CRTC1: variants seen among roughly 807,000 people sequenced by gnomAD.
The protein encoded by CRTC1 is CREB-regulated transcription coactivator 1.
CRTC1 carries 18 observed loss-of-function variants against 66.1 expected under a neutral mutation model. The observed-to-expected ratio is 0.27, with a 90% CI of 0.19 to 0.40. The LOEUF (loss-of-function observed/expected upper bound fraction) is 0.40, where lower values mean the gene tolerates loss of function less well. Among genes scored for constraint, CRTC1 ranks in the 10% least tolerant of loss-of-function variants. CRTC1 has a pLI of 1.00. For synonymous variants in CRTC1, 416 were observed against 398.8 expected (o/e 1.04, Z -0.51); for missense variants, 669 against 887.9 (o/e 0.75, Z 3.13).
chr19:18,760,186 G>C lies in CRTC1; in HGVS notation c.844G>C (p.Ala282Pro). 6.2e-7 allele frequency: 1 copy of C among 1,613,106 alleles called. No homozygotes were observed. The highest frequency in any genetic ancestry group is 8.5e-7 in the Non-Finnish European group (1 of 1,179,576). Residue 282 changes from alanine (A) to proline (P), a missense_variant, in exon 8 of 14, where the codon GCG becomes CCG. Ala to Pro is a conservative substitution (Grantham distance 27, BLOSUM62 -1). Transcript: ENST00000321949. The surrounding 1 kb of genome is among the most constrained non-coding windows in gnomAD (Gnocchi z 6.2). ...LSSSSSTGNL[A>P]ANLTHLGIGG... is the part of the protein sequence containing the mutation. Reference sequence around the variant, plus strand: ...CAGCTCCAGCAGCACCGGCAACCTCGCGGCCAACCTGACGCACCTGGGCAT... The same window carrying C: ...CAGCTCCAGCAGCACCGGCAACCTCCCGGCCAACCTGACGCACCTGGGCAT...
rs749724992 is a variant in CRTC1, at chr19:18,765,509, C to T, written c.992C>T (p.Pro331Leu). The change falls in exon 9 of 14, where the codon CCG becomes CTG. Residue 331 changes from proline to leucine, a missense_variant. Pro to Leu is a moderately conservative substitution (Grantham distance 98). This residue lies in a region of CRTC1 where 241 missense variants were observed against 242.2 expected (regional missense o/e 0.99). Coordinates refer to ENST00000321949, the MANE Select transcript of CRTC1 (RefSeq NM_015321.3). ...RRQQASPTLS[P>L]LSPITQAVAM... ...CAGCAGGCATCGCCCACCCTGTCCC[C>T]GCTGTCACCCATCACTCAGGTGCGA... 3.1e-6 allele frequency: 5 copies of T among 1,606,794 alleles called. No individual in the cohort carries two copies. The highest frequency in any genetic ancestry group is 1.1e-5 in the South Asian group (1 of 90,822).
In CRTC1 at chr19:18,771,349, C is replaced by T. The variant is rs2054863343; in HGVS notation, c.1321-93C>T. The stretch of plus-strand genomic sequence containing the variant: ...AGGTGTGAGGGGCGGGGGGACCTGC[C>T]TGGGGGCTGATCAGGCTGCTCCCGG... On this transcript the variant is annotated intron_variant, in intron 10 of 13. Transcript: ENST00000321949. The surrounding 1 kb of genome is among the most constrained non-coding windows in gnomAD (Gnocchi z 4.6). 1 of 1,110,218 alleles carries T rather than the reference C, an allele frequency of 9.0e-7. No homozygotes were observed. The allele number at this position is 1,110,218 out of a possible 1,614,324, so 68.8% of individuals were successfully genotyped here. A position where few individuals can be genotyped will look rare whatever the true frequency, so the allele number is the denominator to read the frequency against.
At position 18,760,154 on chromosome 19, in the gene CRTC1, C is replaced by G; in HGVS notation, c.812C>G (p.Ala271Gly). The G allele has an allele frequency of 6.2e-7, 1 of 1,613,858 alleles. No homozygotes were observed. The highest frequency in any genetic ancestry group is 1.3e-5 in the African/African-American group (1 of 75,034). Reference sequence around the variant, plus strand: ...GACCCCGAGGAGCCCACCTTCCCTGCACTGAGCAGCTCCAGCAGCACCGGC... The same window carrying G: ...GACCCCGAGGAGCCCACCTTCCCTGGACTGAGCAGCTCCAGCAGCACCGGC... ...PLDPEEPTFPALSSSSSTGNL... is the reference protein window; with the variant it reads ...PLDPEEPTFPGLSSSSSTGNL... The change falls in exon 8 of 14, where the codon GCA (alanine) becomes GGA (glycine). Residue 271 changes from alanine to glycine, a missense_variant. Around this residue, in one of 8 missense-constraint regions of CRTC1, gnomAD observed 214 missense variants for 323.4 expected, o/e 0.66. Coordinates refer to ENST00000321949, the MANE Select transcript of CRTC1 (RefSeq NM_015321.3). This position sits in a 1 kb window ranked among gnomAD's most constrained non-coding sequence, Gnocchi z 6.2.
chr19:18,706,437 C>T (rs1444610729), intron 1 of CRTC1, among the ~76,000 whole-genome samples: 3 of 151,830 alleles, frequency 2.0e-5, no homozygotes, highest in Admixed American at 1.3e-4. Context: ...AACTCTTGAC[C>T]TCAGATGATC....
At position 18,771,606 on chromosome 19, in the gene CRTC1, G is replaced by A. The variant is rs571882799; in HGVS notation, c.1425+60G>A. ...TCCACGCTTGTCTTGTTCATGCCCC[G>A]TGTGTTCCCTGCCCACTGTCTGTCC... On this transcript the variant is annotated intron_variant, in intron 11 of 13. Transcript: ENST00000321949. This position sits in a 1 kb window ranked among gnomAD's most constrained non-coding sequence, Gnocchi z 4.6. 43 of 1,295,306 alleles carry A rather than the reference G, an allele frequency of 3.3e-5. No individual in the cohort carries two copies. The Admixed American group carries it at 3.9e-4, about 12-fold the overall frequency. 80.2% of individuals were successfully genotyped at this position (1,295,306 alleles called of 1,614,324 possible). A position where few individuals can be genotyped will look rare whatever the true frequency, so the allele number is the denominator to read the frequency against.
chr19:18,748,017 C>T (rs554739333), intron 4 of CRTC1, among the ~76,000 whole-genome samples: 2 of 152,132 alleles, frequency 1.3e-5, no homozygotes, highest in South Asian at 2.1e-4. Flanking sequence ...GTCAAGGCTG[C>T]AGTGAGCTGT....
chr19:18,755,082 C>T lies in CRTC1; in HGVS notation c.624+1497C>T, dbSNP rs570139545. 2.0e-3 allele frequency among the ~76,000 whole-genome samples: 309 copies of T among 151,588 alleles called. 1 individual carries two copies. Among genetic ancestry groups the T allele is most frequent in the African/African-American group, 7.0e-3 (291 of 41,308 alleles). ...CACTGCAACCTCTGCCTCCCGGGTTCAAGCGAAGTGATTCTCCTGCCTCAG... is the reference window on the plus strand; with the variant it reads ...CACTGCAACCTCTGCCTCCCGGGTTTAAGCGAAGTGATTCTCCTGCCTCAG... On this transcript the variant is annotated intron_variant, in intron 6 of 13. Transcript: ENST00000321949.
chr19:18,765,961 A>G (rs558332682), intron 9 of CRTC1, among the ~76,000 whole-genome samples: 44 of 134,238 alleles, frequency 3.3e-4, no homozygotes, highest in Admixed American at 2.3e-3. Context: ...ACTCTGTTTC[A>G]AAAAAAAAGA....
At chr19:18,776,231 C>G (rs1041498638) in intron 13 of CRTC1, among the ~76,000 whole-genome samples, 1 of 152,224 alleles carries the variant, frequency 6.6e-6, no homozygotes, top group Non-Finnish European at 1.5e-5. Context: ...CCAGCCTGGG[C>G]AGCCAGCTAA....
At position 18,703,703 on chromosome 19, in the gene CRTC1, T is replaced by G. The variant is rs1254075659; in HGVS notation, c.126+19875T>G. On this transcript the variant is annotated intron_variant, in intron 1 of 13. Transcript: ENST00000321949. ...GTCTTGAACTGCTGACCTCAGATGA[T>G]TCGCTTGCCTTGGCCTCCCAAAGTG... Among the ~76,000 whole-genome samples the G allele has an allele frequency of 2.6e-5, 4 of 152,136 alleles. No homozygotes were observed. The East Asian group carries it at 7.7e-4, about 29-fold the overall frequency.
intron 5 of CRTC1, 127 bp from the exon 6 acceptor site, chr19:18,753,373 G>A (rs188338943): frequency 1.2e-5 from 8 of 654,316 alleles, no homozygotes; most frequent in African/African-American, 5.5e-5. Context: ...AGAAGTTCCC[G>A]TTAGGACAGT....
chr19:18,761,992 G>T (rs911379894), intron 8 of CRTC1, among the ~76,000 whole-genome samples: 4 of 152,166 alleles, frequency 2.6e-5, no homozygotes, highest in South Asian at 4.1e-4. Flanking sequence ...ATTCGGAGGA[G>T]CCCTCTTCAT....
Position 18,771,781 on chromosome 19 carries a change from G to A in CRTC1, c.1425+235G>A, listed in dbSNP as rs192090257. Among the ~76,000 whole-genome samples, 39 of 152,326 alleles carry A rather than the reference G, an allele frequency of 2.6e-4. No individual in the cohort carries two copies. Among genetic ancestry groups the A allele is most frequent in the Admixed American group, 2.2e-3 (34 of 15,304 alleles). On this transcript the variant is annotated intron_variant, in intron 11 of 13. Transcript: ENST00000321949. The surrounding 1 kb of genome is among the most constrained non-coding windows in gnomAD (Gnocchi z 4.6). ...AGAGCCTGCCTCTGCTGAACACTAG[G>A]TGGGGGTGTGCGTTAGTGACATTAG...
intron 4 of CRTC1, 61 bp downstream of exon 4, chr19:18,747,175 T>G: frequency 1.8e-6 from 2 of 1,119,110 alleles, no homozygotes; most frequent in Non-Finnish European, 2.5e-6. Context: ...CAAACTCTCA[T>G]CATGGTTACA....
At chr19:18,719,809 GGGATCT>G (rs2053583921) in intron 1 of CRTC1, among the ~76,000 whole-genome samples, 1 of 152,262 alleles carries the variant, frequency 6.6e-6, no homozygotes, top group African/African-American at 2.4e-5. Context: ...TGCCGTGTCT[GGGATCT>G]GACTTCCCTG....
intron 4 of CRTC1, 85 bp from the exon 5 acceptor site, chr19:18,749,696 A>G: frequency 8.9e-7 from 1 of 1,124,348 alleles, no homozygotes; most frequent in Admixed American, 1.7e-5. Context: ...CACCCTGTCC[A>G]TCCAGCGTGT....
At chr19:18,734,932 A>T (rs573857675) in intron 1 of CRTC1, among the ~76,000 whole-genome samples, 23 of 152,284 alleles carry the variant, frequency 1.5e-4, no homozygotes, top group Non-Finnish European at 2.6e-4. Flanking sequence ...TGCGGCCATT[A>T]CCCAGCCCCG....
At chr19:18,710,212 T>C (rs2053359275) in intron 1 of CRTC1, among the ~76,000 whole-genome samples, 1 of 151,902 alleles carries the variant, frequency 6.6e-6, no homozygotes, top group Admixed American at 6.6e-5. Flanking sequence ...CACTCGGAAG[T>C]CTCCCACTTC....
intron 2 of CRTC1, among the ~76,000 whole-genome samples, chr19:18,743,480 T>C (rs572579709): frequency 3.4e-4 from 52 of 152,206 alleles, no homozygotes; most frequent in Non-Finnish European, 5.9e-4. Flanking sequence ...CACAGCCTTA[T>C]CGTAAACAGG....
Sources: allele counts gnomAD v4.1 joint callset (sites outside exome capture counted in the v4.1 genomes callset), GRCh38; gene constraint gnomAD v4.1.1; regional missense constraint gnomAD v4.1.1; non-coding constraint Gnocchi (gnomAD v3.1); transcripts MANE v1.5; gene names NCBI Gene and HGNC (gene_info 2026-07-23, HGNC 2026-07-21).